Variants in CFDP1 observed in about 807,000 individuals in gnomAD.
CFDP1 encodes chromatin remodeling protein CFDP1, also known as heterochromatin-stabilizing protein CFDP1.
Under a neutral mutation model 40.1 loss-of-function variants are expected in CFDP1, and 31 were observed. The observed-to-expected ratio is 0.77, with a 90% CI of 0.58 to 1.04. The LOEUF is 1.04. Ranked by LOEUF, CFDP1 falls within the 50% of genes least tolerant of loss-of-function variation. The pLI is 0.00. For synonymous variants in CFDP1, 167 were observed against 120.0 expected, an observed-to-expected ratio of 1.39 and a Z score of -2.56; for missense variants, 423 against 343.4, an observed-to-expected ratio of 1.23 and a Z score of -1.83.
At chr16:75,329,367 C>T (rs2078428102) in intron 5 of CFDP1, among the ~76,000 whole-genome samples, 1 of 152,168 alleles carries the variant, frequency 6.6e-6, no homozygotes, top group South Asian at 2.1e-4. Flanking sequence ...GGCAAGTGGA[C>T]CCAGGACTGA....
rs141499460 is a variant in CFDP1 at position 75,411,794 on chromosome 16, C to T, written c.530+31G>A. On this transcript the variant is annotated intron_variant, in intron 4 of 6. Transcript: ENST00000283882. Reference sequence around the variant, plus strand: ...AGAGAGACGCTCATTTTTGAAAATGCTAGTTTCAAAGTTTTTGAAGGTTCT... The same window carrying T: ...AGAGAGACGCTCATTTTTGAAAATGTTAGTTTCAAAGTTTTTGAAGGTTCT... The T allele has an allele frequency of 2.3e-4, 361 of 1,595,532 alleles. 2 individuals are homozygous for T. The African/African-American group carries it at 4.0e-3, about 18-fold the overall frequency.
intron 5 of CFDP1, among the ~76,000 whole-genome samples, chr16:75,376,347 T>C (rs927465158): frequency 6.6e-6 from 1 of 152,170 alleles, no homozygotes; most frequent in African/African-American, 2.4e-5. Context: ...AAATAACCCA[T>C]ACGTTTATCA....
chr16:75,328,457 G>A (rs1208895200), intron 5 of CFDP1, among the ~76,000 whole-genome samples: 1 of 149,664 alleles, frequency 6.7e-6, no homozygotes, highest in Non-Finnish European at 1.5e-5. Context: ...AAATAGCTGG[G>A]TGTGGTGGCA....
intron 5 of CFDP1, among the ~76,000 whole-genome samples, chr16:75,312,134 C>T (rs2078296696): frequency 6.6e-6 from 1 of 152,152 alleles, no homozygotes; most frequent in Non-Finnish European, 1.5e-5. Flanking sequence ...AATTTCACTA[C>T]TCACCTGTAT....
rs976768029 is a variant in CFDP1 at position 75,336,774 on chromosome 16, C to T, written c.651-31592G>A. On this transcript the variant is annotated intron_variant, in intron 5 of 6. Transcript: ENST00000283882. ...GCTACTACAAACATGGATAGCCACA[C>T]CCTTGTCAAAAGTGTTATTTTAGGA... 2.4e-4 allele frequency among the ~76,000 whole-genome samples: 37 copies of T among 152,334 alleles called. 1 individual carries two copies. The highest frequency in any genetic ancestry group is 8.9e-4 in the African/African-American group (37 of 41,584).
At chr16:75,336,011 G>A (rs1007621252) in intron 5 of CFDP1, among the ~76,000 whole-genome samples, 5 of 152,124 alleles carry the variant, frequency 3.3e-5, no homozygotes, top group Admixed American at 1.3e-4. Flanking sequence ...ATTAGAAGGG[G>A]ATGAAAATAA....
At chr16:75,343,367 C>T (rs2078539895) in intron 5 of CFDP1, among the ~76,000 whole-genome samples, 1 of 152,070 alleles carries the variant, frequency 6.6e-6, no homozygotes, top group Non-Finnish European at 1.5e-5. Flanking sequence ...CTGAGCAGTC[C>T]TCAAGGAGTC....
intron 5 of CFDP1, among the ~76,000 whole-genome samples, chr16:75,343,265 A>G (rs1460408818): frequency 1.3e-5 from 2 of 152,140 alleles, no homozygotes; most frequent in East Asian, 3.8e-4. Flanking sequence ...CTCTTTAGAG[A>G]ACAAAATGCT....
At chr16:75,341,324 C>A (rs538524881) in intron 5 of CFDP1, among the ~76,000 whole-genome samples, 1 of 152,198 alleles carries the variant, frequency 6.6e-6, no homozygotes, top group East Asian at 1.9e-4. Flanking sequence ...CTGGGACCTA[C>A]TATTCCTAGT....
At chr16:75,318,629 C>A (rs2078341720) in intron 5 of CFDP1, among the ~76,000 whole-genome samples, 2 of 152,134 alleles carry the variant, frequency 1.3e-5, no homozygotes, top group Admixed American at 6.5e-5. Context: ...TGGTCTCGAT[C>A]TCCTGACCTT....
rs2079453874 is a variant in CFDP1, at chr16:75,433,478, C to T, written c.-126G>A. On this transcript the variant is annotated 5_prime_UTR_variant, in exon 1 of 7. Transcript: ENST00000283882. ...GCAGCTAGGGCGGCCCCCGACAGCG[C>T]TTTGCACATGCGCAGAGAGTACTAC... 3.6e-6 allele frequency: 3 copies of T among 824,522 alleles called. No individual in the cohort carries two copies. Among genetic ancestry groups the T allele is most frequent in the African/African-American group, 1.7e-5 (1 of 59,160 alleles). The allele number at this position is 824,522 out of a possible 1,614,324, so 51.1% of individuals were successfully genotyped here.
chr16:75,376,437 T>C (rs1490750146), intron 5 of CFDP1, among the ~76,000 whole-genome samples: 1 of 152,202 alleles, frequency 6.6e-6, no homozygotes, highest in Non-Finnish European at 1.5e-5. Flanking sequence ...AGCAACATGA[T>C]AAGTCTCAAA....
At chr16:75,424,572 G>T (rs561119085) in intron 1 of CFDP1, among the ~76,000 whole-genome samples, 1 of 152,030 alleles carries the variant, frequency 6.6e-6, no homozygotes, top group Non-Finnish European at 1.5e-5. Flanking sequence ...TGGCTAACAC[G>T]GTGAAACCCA....
intron 1 of CFDP1, among the ~76,000 whole-genome samples, chr16:75,426,584 G>T (rs1033936642): frequency 6.6e-6 from 1 of 152,004 alleles, no homozygotes; most frequent in Admixed American, 6.6e-5. Context: ...GCTGAGGCAG[G>T]AAAATTGTTT....
chr16:75,423,044 G>C (rs865800526), intron 1 of CFDP1, among the ~76,000 whole-genome samples: 6 of 152,044 alleles, frequency 3.9e-5, no homozygotes, highest in Non-Finnish European at 5.9e-5. Context: ...ACTTTGGGAG[G>C]CCGAGGTGGG....
chr16:75,358,779 T>C (rs1370437500), intron 5 of CFDP1, among the ~76,000 whole-genome samples: 1 of 152,202 alleles, frequency 6.6e-6, no homozygotes, highest in Admixed American at 6.5e-5. Context: ...TGATAAATTC[T>C]GAGCTTTAGA....
intron 5 of CFDP1, among the ~76,000 whole-genome samples, chr16:75,336,926 T>C (rs1248951124): frequency 2.0e-5 from 3 of 152,232 alleles, no homozygotes. Context: ...TGTTGGTTCC[T>C]TGCCCTTTAA....
chr16:75,364,262 A>G (rs921273262), intron 5 of CFDP1, among the ~76,000 whole-genome samples: 2 of 152,170 alleles, frequency 1.3e-5, no homozygotes, highest in Non-Finnish European at 2.9e-5. Flanking sequence ...AAATACTCAA[A>G]AGGTATTTTA....
intron 5 of CFDP1, among the ~76,000 whole-genome samples, chr16:75,342,097 G>A (rs114781990): frequency 1.9e-3 from 282 of 152,294 alleles, no homozygotes; most frequent in African/African-American, 6.3e-3. Context: ...CACACCAACA[G>A]ATGTTTCCAA....
Sources: gnomAD v4.1 joint callset for allele counts (sites outside exome capture counted in the v4.1 genomes callset) on GRCh38, gnomAD v4.1.1 for gene constraint, MANE v1.5 for transcripts, NCBI Gene and HGNC (gene_info 2026-07-23, HGNC 2026-07-21) for gene names.